COL23A1: variants seen among roughly 807,000 people sequenced by gnomAD.
COL23A1 encodes the protein collagen alpha-1(XXIII) chain.
COL23A1 carries 97 observed loss-of-function variants against 99.3 expected under a neutral mutation model. The observed-to-expected ratio is 0.98, with a 90% CI of 0.83 to 1.16. The LOEUF (loss-of-function observed/expected upper bound fraction) is 1.16, where lower values mean the gene tolerates loss of function less well. Among genes scored for constraint, COL23A1 ranks in the 50% most tolerant of loss-of-function variants. The pLI, the probability that COL23A1 is intolerant of heterozygous loss-of-function variation, is 0.00. For synonymous variants in COL23A1, 320 were observed against 308.2 expected (o/e 1.04, Z -0.40); for missense variants, 762 against 757.4 (o/e 1.01, Z -0.07).
intron 2 of COL23A1, among the ~76,000 whole-genome samples, chr5:178,404,293 A>T (rs1764633652): frequency 6.6e-6 from 1 of 152,188 alleles, no homozygotes; most frequent in Admixed American, 6.5e-5. Context: ...CATTCATTTA[A>T]CAATGAAGGA....
At chr5:178,368,806 C>T (rs1471819785) in intron 2 of COL23A1, among the ~76,000 whole-genome samples, 1 of 152,252 alleles carries the variant, frequency 6.6e-6, no homozygotes. Context: ...GACACCAACC[C>T]CTTTTTATTG....
In COL23A1 at chr5:178,544,158, A is replaced by G. The variant is rs1761450382; in HGVS notation, c.361+16524T>C. Among the ~76,000 whole-genome samples the G allele has an allele frequency of 6.6e-6, 1 of 151,978 alleles. No individual in the cohort carries two copies. Among genetic ancestry groups the G allele is most frequent in the African/African-American group, 2.4e-5 (1 of 41,342 alleles). On this transcript the variant is annotated intron_variant, in intron 2 of 28. Coordinates refer to ENST00000390654, the MANE Select transcript of COL23A1 (RefSeq NM_173465.4). This position sits in a 1 kb window ranked among gnomAD's most constrained non-coding sequence, Gnocchi z 4.4. ...CTCCTTACACTCTCCCTCCTCCTGC[A>G]AGCACTCTTCCCACCTGAGTTTATC...
intron 2 of COL23A1, among the ~76,000 whole-genome samples, chr5:178,517,612 A>G (rs551513645): frequency 8.2e-6 from 1 of 122,410 alleles, no homozygotes; most frequent in South Asian, 2.8e-4. Context: ...CCCAGTCTGG[A>G]ATGCAGTGGC....
In COL23A1 at chr5:178,589,994, G is replaced by A; in HGVS notation, c.204C>T (p.Leu68=). The part of the protein sequence containing the change: ...AAALQGRVAA[L]EEERELLRRA... ...GCCGCAGCAGCTCCCGCTCCTCCTC[G>A]AGCGCCGCCACCCGGCCCTGCAGCG... Residue 68 remains leucine, a synonymous_variant, in exon 1 of 29, where the codon CTC becomes CTT. Coordinates refer to ENST00000390654, the MANE Select transcript of COL23A1 (RefSeq NM_173465.4). This position sits in a 1 kb window ranked among gnomAD's most constrained non-coding sequence, Gnocchi z 5.4. The A allele has an allele frequency of 7.4e-7, 1 of 1,343,546 alleles. No homozygotes were observed. Among genetic ancestry groups the A allele is most frequent in the South Asian group, 1.9e-5 (1 of 54,008 alleles). The allele number at this position is 1,343,546 out of a possible 1,614,324, so 83.2% of individuals were successfully genotyped here.
intron 2 of COL23A1, among the ~76,000 whole-genome samples, chr5:178,531,257 T>TA (rs1434400887): frequency 7.2e-5 from 11 of 152,182 alleles, no homozygotes; most frequent in African/African-American, 2.7e-4. Context: ...GTAGAGATAA[T>TA]ACAGTTCAAC....
At chr5:178,443,177 G>A (rs1207307708) in intron 2 of COL23A1, 1 of 152,184 alleles carries the variant, frequency 6.6e-6, no homozygotes, top group African/African-American at 2.4e-5. Flanking sequence ...AAGTCACTGC[G>A]GCAGAACCCA....
chr5:178,405,911 T>C (rs1464492996), intron 2 of COL23A1, among the ~76,000 whole-genome samples: 1 of 152,236 alleles, frequency 6.6e-6, no homozygotes, highest in Non-Finnish European at 1.5e-5. Context: ...GAGATCAGCC[T>C]GGACAACACA....
In COL23A1 at chr5:178,315,139, CCT is replaced by C. The variant is rs575451216; in HGVS notation, c.362-8222_362-8221del. ...TGCAGTTTCTGGGCTGGTTCCTCTC[CCT>C]GAGTTAGGAGCGGATTTAGTTAAGC... On this transcript the variant is annotated intron_variant, in intron 2 of 28. Coordinates refer to ENST00000390654, the MANE Select transcript of COL23A1 (RefSeq NM_173465.4). 2.2e-4 allele frequency among the ~76,000 whole-genome samples: 34 copies of C among 152,270 alleles called. No individual in the cohort carries two copies. In the South Asian group the frequency reaches 2.5e-3, roughly 11 times the overall value.
intron 3 of COL23A1, among the ~76,000 whole-genome samples, chr5:178,304,210 C>CA (rs1336050725): frequency 6.6e-5 from 10 of 151,872 alleles, no homozygotes; most frequent in African/African-American, 1.7e-4. Flanking sequence ...CCCTACCTGG[C>CA]AAAAAAGAGC....
intron 2 of COL23A1, among the ~76,000 whole-genome samples, chr5:178,554,792 C>T (rs967698146): frequency 6.6e-6 from 1 of 152,014 alleles, no homozygotes. Context: ...CAAGGAGAGG[C>T]ACCTGCCCCA....
chr5:178,570,923 C>G (rs1440870152), intron 1 of COL23A1, among the ~76,000 whole-genome samples: 2 of 151,980 alleles, frequency 1.3e-5, no homozygotes, highest in South Asian at 4.1e-4. Flanking sequence ...CCTAATCAGC[C>G]CCTGCAGGCA....
intron 2 of COL23A1, among the ~76,000 whole-genome samples, chr5:178,491,045 AGAGAG>A (rs1757905561): frequency 6.6e-6 from 1 of 151,858 alleles, no homozygotes; most frequent in Non-Finnish European, 1.5e-5. Flanking sequence ...AAGAGAGAAG[AGAGAG>A]GAGAGAGAGA....
At chr5:178,399,324 G>A (rs1764313281) in intron 2 of COL23A1, among the ~76,000 whole-genome samples, 1 of 152,226 alleles carries the variant, frequency 6.6e-6, no homozygotes. Flanking sequence ...CTGGGAGGGA[G>A]AGGGAGGAAA....
chr5:178,270,155 C>A (rs1431091821), intron 6 of COL23A1, among the ~76,000 whole-genome samples, 182 bp downstream of exon 6: 1 of 152,216 alleles, frequency 6.6e-6, no homozygotes, highest in African/African-American at 2.4e-5. Flanking sequence ...AGGAGGCCTC[C>A]CTTGGTCACC....
chr5:178,568,049 G>A (rs1187315995), intron 1 of COL23A1, among the ~76,000 whole-genome samples: 2 of 152,204 alleles, frequency 1.3e-5, no homozygotes, highest in Admixed American at 6.5e-5. Context: ...CCTCATGCTG[G>A]CCCCATGGGC....
intron 2 of COL23A1, among the ~76,000 whole-genome samples, chr5:178,511,691 A>G (rs1433249787): frequency 6.6e-6 from 1 of 152,168 alleles, no homozygotes. Flanking sequence ...TGTAGTGGAC[A>G]GCTGCCAGTC....
chr5:178,426,779 G>A (rs1447397667), intron 2 of COL23A1, among the ~76,000 whole-genome samples: 3 of 152,184 alleles, frequency 2.0e-5, no homozygotes, highest in Admixed American at 6.5e-5. Context: ...CAATAAGAAC[G>A]CGAACAGCCC....
rs1554126956 is a variant in COL23A1, at chr5:178,258,262, T to TACAC, written c.730-699_730-696dup. Among the ~76,000 whole-genome samples the TACAC allele has an allele frequency of 4.5e-4, 47 of 104,124 alleles. 4 individuals carry two copies. The highest frequency in any genetic ancestry group is 1.6e-3 in the South Asian group (4 of 2,580). 68.3% of individuals were successfully genotyped at this position (104,124 alleles called of 152,430 possible). On this transcript the variant is annotated intron_variant, in intron 12 of 28. Transcript: ENST00000390654. ...ATATATATATATATATATATATATA[T>TACAC]ACACATGCAAATCAATTCTAGGCAC...
intron 2 of COL23A1, among the ~76,000 whole-genome samples, chr5:178,367,874 C>T (rs548035958): frequency 2.0e-5 from 3 of 152,332 alleles, no homozygotes; most frequent in South Asian, 4.1e-4. Flanking sequence ...CTGGGTCAGG[C>T]GCTGTGGAGA....
Sources: gnomAD v4.1 joint callset for allele counts (sites outside exome capture counted in the v4.1 genomes callset) on GRCh38, gnomAD v4.1.1 for gene constraint, Gnocchi (gnomAD v3.1) non-coding constraint, MANE v1.5 for transcripts, NCBI Gene and HGNC (gene_info 2026-07-23, HGNC 2026-07-21) for gene names.